Variants in PEX1 observed in about 807,000 individuals in gnomAD.
PEX1 encodes peroxisomal ATPase PEX1.
PEX1 carries 97 observed loss-of-function variants against 152.5 expected under a neutral mutation model. The ratio of observed to expected loss-of-function variants is 0.64; its 90% CI spans 0.54 to 0.75. The LOEUF (loss-of-function observed/expected upper bound fraction) is 0.75. Ranked by LOEUF, PEX1 falls within the 30% of genes least tolerant of loss-of-function variation. The probability of loss-of-function intolerance (pLI) is 0.00; values close to 1 mark genes in which losing one functional copy is unlikely to be tolerated. For synonymous variants in PEX1, 485 were observed against 531.6 expected (o/e 0.91, Z 1.21); for missense variants, 1,357 against 1,516.3 (o/e 0.89, Z 1.74).
rs1792941770 is a variant in PEX1, at chr7:92,519,131, A to G, written c.274-53T>C. 6.3e-6 allele frequency: 6 copies of G among 958,938 alleles called. No individual in the cohort carries two copies. The South Asian group carries it at 6.7e-5, about 11-fold the overall frequency. The allele number at this position is 958,938 out of a possible 1,614,324, so 59.4% of individuals were successfully genotyped here. A position where few individuals can be genotyped will look rare whatever the true frequency, so the allele number is the denominator to read the frequency against. On this transcript the variant is annotated intron_variant, in intron 2 of 23. Transcript: ENST00000248633. ...CTTTAAAAAAACTTTTCTGTGTCAT[A>G]TATTAGAAAATAAGAAGTTATCTTC...
At chr7:92,490,204 C>A in intron 21 of PEX1, 1 of 373,204 alleles carries the variant, frequency 2.7e-6, no homozygotes. Flanking sequence ...CAGGTTTCTT[C>A]ATTTTCAGAA....
At chr7:92,498,086 A>C (rs935430639) in intron 16 of PEX1, among the ~76,000 whole-genome samples, 1 of 151,626 alleles carries the variant, frequency 6.6e-6, no homozygotes, top group South Asian at 2.1e-4. Context: ...AAAAAAAAAA[A>C]AAAACTAAGG....
Position 92,495,230 on chromosome 7 carries a change from A to C in PEX1, c.2784-601T>G, listed in dbSNP as rs554770408. On this transcript the variant is annotated intron_variant, in intron 17 of 23. Coordinates refer to ENST00000248633, the MANE Select transcript of PEX1 (RefSeq NM_000466.3). Reference sequence around the variant, plus strand: ...TTAATTTATTAACAAATTTTAATTCAAAATAAGTGAATATTAATTCCATAT... The same window carrying C: ...TTAATTTATTAACAAATTTTAATTCCAAATAAGTGAATATTAATTCCATAT... 1.4e-3 allele frequency among the ~76,000 whole-genome samples: 217 copies of C among 152,284 alleles called. 1 individual carries two copies. Among genetic ancestry groups the C allele is most frequent in the Admixed American group, 3.3e-3 (50 of 15,278 alleles).
chr7:92,516,046 GAGAAGAGAA>G (rs1792737003), intron 5 of PEX1, among the ~76,000 whole-genome samples: 3 of 93,894 alleles, frequency 3.2e-5, no homozygotes, highest in African/African-American at 1.4e-4. Context: ...GAGAAGAGAA[GAGAAGAGAA>G]AAAAGAAAAG....
chr7:92,491,656 A>C, intron 20 of PEX1, 154 bp from the exon 21 acceptor site: 1 of 604,518 alleles, frequency 1.7e-6, no homozygotes, highest in Non-Finnish European at 2.9e-6. Flanking sequence ...TTTGAGGCAC[A>C]TGGTAAAAAT....
intron 11 of PEX1, among the ~76,000 whole-genome samples, chr7:92,505,321 G>A (rs755323068): frequency 6.6e-5 from 10 of 150,780 alleles, no homozygotes; most frequent in Non-Finnish European, 1.5e-4. Context: ...GTTGAGGCAC[G>A]AGAATTGCTT....
intron 6 of PEX1, among the ~76,000 whole-genome samples, chr7:92,513,221 C>T (rs969306561): frequency 1.3e-5 from 2 of 152,094 alleles, no homozygotes; most frequent in East Asian, 1.9e-4. Flanking sequence ...CCCAAAGGAG[C>T]TGAAAAGAGG....
chr7:92,504,197 G>A (rs1043550457), intron 12 of PEX1, among the ~76,000 whole-genome samples: 2 of 151,900 alleles, frequency 1.3e-5, no homozygotes, highest in African/African-American at 4.8e-5. Context: ...TTCTCGCATA[G>A]TGTATGCTGT....
intron 5 of PEX1, 93 bp from the exon 6 acceptor site, chr7:92,514,060 A>T (rs1404746425): frequency 5.0e-6 from 4 of 802,460 alleles, no homozygotes; most frequent in Non-Finnish European, 7.9e-6. Context: ...AGCTTCTATG[A>T]ATTTAGGTGA....
At chr7:92,512,150 A>G (rs1182230123) in intron 6 of PEX1, among the ~76,000 whole-genome samples, 1 of 152,118 alleles carries the variant, frequency 6.6e-6, no homozygotes, top group African/African-American at 2.4e-5. Flanking sequence ...CGCTTGCCTC[A>G]GGCTCCCAAG....
chr7:92,528,431 C>A lies in PEX1; in HGVS notation c.5G>T (p.Trp2Leu). The A allele has an allele frequency of 1.3e-6, 2 of 1,590,194 alleles. No homozygotes were observed. The highest frequency in any genetic ancestry group is 1.1e-5 in the South Asian group (1 of 88,152). The change falls in exon 1 of 24, where the codon TGG becomes TTG. Residue 2 changes from tryptophan to leucine, a missense_variant. Physicochemically the swap from Trp to Leu is moderately conservative, Grantham distance 61. Transcript: ENST00000248633. Reference protein sequence around the residue: MWGSDRLAGAGG... With the variant: MLGSDRLAGAGG... ...AGCACCCGCCAGGCGATCGCTGCCC[C>A]ACATCGTCCCGGAGCGTCGCTCTGG... is the stretch of plus-strand genomic sequence containing the variant.
Position 92,496,780 on chromosome 7 carries a change from A to G in PEX1, c.2719-3T>C, listed in dbSNP as rs1034823292. On this transcript the variant is annotated splice_polypyrimidine_tract_variant and splice_region_variant and intron_variant, in intron 16 of 23. Coordinates refer to ENST00000248633, the MANE Select transcript of PEX1 (RefSeq NM_000466.3). ...TATTTGCTGAGTAACTCTGGCCCCT[A>G]TTGGGTAAAATAAGAGTTGAGATAA... 5.0e-6 allele frequency: 8 copies of G among 1,585,058 alleles called. No individual in the cohort carries two copies. In the African/African-American group the frequency reaches 5.4e-5, roughly 11 times the overall value.
At chr7:92,513,756 G>T (rs1585247819) in intron 6 of PEX1, 92 bp downstream of exon 6, 1 of 914,298 alleles carries the variant, frequency 1.1e-6, no homozygotes, top group Non-Finnish European at 1.7e-6. Context: ...TATCAAAAAG[G>T]AATACAACAT....
At chr7:92,520,302 G>A (rs1792992667) in intron 2 of PEX1, among the ~76,000 whole-genome samples, 1 of 152,152 alleles carries the variant, frequency 6.6e-6, no homozygotes, top group Non-Finnish European at 1.5e-5. Flanking sequence ...AAGCACCAAA[G>A]TTAATGATTT....
intron 2 of PEX1, among the ~76,000 whole-genome samples, chr7:92,520,308 G>A (rs1359578879): frequency 6.6e-6 from 1 of 152,144 alleles, no homozygotes; most frequent in Non-Finnish European, 1.5e-5. Context: ...CAAAGTTAAT[G>A]ATTTCTAAGG....
At chr7:92,509,254 T>A in intron 9 of PEX1, 75 bp downstream of exon 9, 1 of 950,180 alleles carries the variant, frequency 1.1e-6, no homozygotes. Context: ...TCTACTTTAA[T>A]ATTTACATTG....
chr7:92,507,083 G>A lies in PEX1; in HGVS notation c.1714C>T (p.His572Tyr), dbSNP rs1167491787. The A allele has an allele frequency of 1.2e-6, 2 of 1,613,774 alleles. No homozygotes were observed. Among genetic ancestry groups the A allele is most frequent in the Admixed American group, 3.3e-5 (2 of 60,010 alleles). Residue 572 changes from histidine to tyrosine, a missense_variant, in exon 10 of 24, where the codon CAC (histidine) becomes TAC (tyrosine). Transcript: ENST00000248633. ...GACAAAGGGCGTCCCAGGAGGCTGT[G>A]AGTGATGTGCTCCAAGGAGGATACG... ...LGVSSLEHIT[H>Y]SLLGRPLSRQ...
chr7:92,494,458 C>G, intron 18 of PEX1, 29 bp downstream of exon 18: 1 of 1,612,364 alleles, frequency 6.2e-7, no homozygotes, highest in Non-Finnish European at 8.5e-7. Context: ...TTTGTTATAA[C>G]ATTCTATTTC....
intron 9 of PEX1, among the ~76,000 whole-genome samples, chr7:92,508,760 TA>T (rs1792316868): frequency 6.6e-6 from 1 of 152,012 alleles, no homozygotes; most frequent in Admixed American, 6.6e-5. Context: ...AAGAGGAGTT[TA>T]AAAAATATTT....
Sources: allele counts gnomAD v4.1 joint callset (sites outside exome capture counted in the v4.1 genomes callset), GRCh38; gene constraint gnomAD v4.1.1; transcripts MANE v1.5; gene names NCBI Gene and HGNC (gene_info 2026-07-23, HGNC 2026-07-21).